Variants in PXT1 observed in about 807,000 individuals in gnomAD.
The protein encoded by PXT1 is peroxisomal testis-specific protein 1.
A neutral mutation model predicts 11.0 loss-of-function variants in PXT1; 11 were observed. The ratio of observed to expected loss-of-function variants is 1.00; its 90% confidence interval spans 0.63 to 1.66. The LOEUF is 1.66. PXT1 is among the 40% of genes most tolerant of loss of function. The pLI, the probability that PXT1 is intolerant of heterozygous loss-of-function variation, is 0.00. For missense variants in PXT1, 141 were observed against 155.5 expected, an observed-to-expected ratio of 0.91 and a Z score of 0.49; for synonymous variants, 43 against 51.4, an observed-to-expected ratio of 0.84 and a Z score of 0.70.
rs2127416572 is a variant in PXT1, at chr6:36,425,999, T to A, written c.84A>T (p.Ser28=). Reference sequence around the variant, plus strand: ...TCTGAAAACTGTATTTTAACCACAGTGATTTGCAACAATGTGTTACTTTGG... The same window carrying A: ...TCTGAAAACTGTATTTTAACCACAGAGATTTGCAACAATGTGTTACTTTGG... ...PSPKVTHCCK[S]LWLKYSFQKA... The change falls in exon 3 of 5, where the codon TCA becomes TCT. Residue 28 remains serine, a synonymous_variant. Coordinates refer to ENST00000454782, the MANE Select transcript of PXT1 (RefSeq NM_152990.4). 1 of 1,532,996 alleles carries A rather than the reference T, an allele frequency of 6.5e-7. No homozygotes were observed. Among genetic ancestry groups the A allele is most frequent in the East Asian group, 2.5e-5 (1 of 40,614 alleles). The allele number at this position is 1,532,996 out of a possible 1,614,324, so 95.0% of individuals were successfully genotyped here.
At chr6:36,418,451 T>C (rs1052489531) in intron 3 of PXT1, among the ~76,000 whole-genome samples, 9 of 152,174 alleles carry the variant, frequency 5.9e-5, no homozygotes, top group Non-Finnish European at 1.2e-4. Flanking sequence ...ATTCAACAAA[T>C]AGAGGGCTTT....
chr6:36,424,304 T>G (rs1288356994), intron 3 of PXT1, among the ~76,000 whole-genome samples: 1 of 152,202 alleles, frequency 6.6e-6, no homozygotes, highest in African/African-American at 2.4e-5. Flanking sequence ...GGTGACACAA[T>G]CTCAGACTTT....
chr6:36,410,592 A>G (rs1774358812), intron 3 of PXT1, among the ~76,000 whole-genome samples: 1 of 152,112 alleles, frequency 6.6e-6, no homozygotes, highest in Non-Finnish European at 1.5e-5. Flanking sequence ...TAAAAAAGGA[A>G]GAAAAGAAAG....
intron 4 of PXT1, among the ~76,000 whole-genome samples, chr6:36,393,257 C>T (rs575177212): frequency 2.6e-4 from 39 of 152,268 alleles, no homozygotes; most frequent in African/African-American, 8.2e-4. Flanking sequence ...TGAGCCACTA[C>T]GCCTGGCCCT....
chr6:36,436,936 G>A (rs1348701546), intron 2 of PXT1, among the ~76,000 whole-genome samples: 1 of 152,082 alleles, frequency 6.6e-6, no homozygotes, highest in East Asian at 1.9e-4. Flanking sequence ...GTCTCTAGGG[G>A]GCATTGTTCA....
At chr6:36,422,778 T>C (rs1774540682) in intron 3 of PXT1, among the ~76,000 whole-genome samples, 2 of 152,228 alleles carry the variant, frequency 1.3e-5, no homozygotes, top group Non-Finnish European at 2.9e-5. Context: ...GTACTCTCTA[T>C]TGAATTCTAC....
chr6:36,433,051 T>A (rs561312176), intron 2 of PXT1, among the ~76,000 whole-genome samples: 1 of 152,284 alleles, frequency 6.6e-6, no homozygotes, highest in East Asian at 1.9e-4. Context: ...AATTTCCAAT[T>A]AGCTTTTAGG....
At chr6:36,425,828 ATT>A in intron 3 of PXT1, 84 bp downstream of exon 3, 4 of 547,654 alleles carry the variant, frequency 7.3e-6, no homozygotes, top group African/African-American at 2.1e-5. Context: ...ATATATATAT[ATT>A]TAATGTCCAA....
At chr6:36,422,784 T>C (rs1207876016) in intron 3 of PXT1, among the ~76,000 whole-genome samples, 3 of 152,174 alleles carry the variant, frequency 2.0e-5, no homozygotes, top group Non-Finnish European at 4.4e-5. Flanking sequence ...TCTATTGAAT[T>C]CTACAATTAT....
intron 2 of PXT1, among the ~76,000 whole-genome samples, chr6:36,431,559 G>A (rs1413981930): frequency 6.6e-6 from 1 of 152,168 alleles, no homozygotes; most frequent in African/African-American, 2.4e-5. Flanking sequence ...TTGAGATCAG[G>A]AGTTCAGGAA....
At position 36,426,111 on chromosome 6, in the gene PXT1, C is replaced by A; in HGVS notation, c.-9-20G>T. The A allele has an allele frequency of 7.0e-7, 1 of 1,423,708 alleles. No homozygotes were observed. Among genetic ancestry groups the A allele is most frequent in the South Asian group, 1.3e-5 (1 of 74,690 alleles). 88.2% of individuals were successfully genotyped at this position (1,423,708 alleles called of 1,614,324 possible). ...TTTTCCCTGTTGAAAAACATATTTT[C>A]AGAGGCTTTCCCCCATTTCTCAGTA... On this transcript the variant is annotated intron_variant, in intron 2 of 4. Coordinates refer to ENST00000454782, the MANE Select transcript of PXT1 (RefSeq NM_152990.4).
At chr6:36,437,273 C>T (rs1010553551) in intron 2 of PXT1, among the ~76,000 whole-genome samples, 7 of 148,960 alleles carry the variant, frequency 4.7e-5, no homozygotes, top group African/African-American at 1.7e-4. Context: ...AGCGACAGAG[C>T]GAGACTCCAT....
At chr6:36,408,645 C>G (rs1201926465) in intron 3 of PXT1, among the ~76,000 whole-genome samples, 2 of 148,312 alleles carry the variant, frequency 1.3e-5, no homozygotes, top group African/African-American at 5.0e-5. Context: ...GGGGGAGGAT[C>G]CCTTGAGCCC....
chr6:36,418,090 G>A (rs1437534064), intron 3 of PXT1, among the ~76,000 whole-genome samples: 4 of 152,048 alleles, frequency 2.6e-5, no homozygotes, highest in African/African-American at 9.7e-5. Context: ...CAGCTACTTG[G>A]GAGACTGAGG....
intron 2 of PXT1, among the ~76,000 whole-genome samples, chr6:36,427,237 G>A (rs937798871): frequency 1.3e-5 from 2 of 151,990 alleles, no homozygotes; most frequent in Admixed American, 6.6e-5. Context: ...TGCTGACCTC[G>A]TGATCTGCCC....
chr6:36,412,665 A>AG (rs1774391453), intron 3 of PXT1, among the ~76,000 whole-genome samples: 1 of 151,328 alleles, frequency 6.6e-6, no homozygotes, highest in East Asian at 2.0e-4. Flanking sequence ...TCTCAAAAAA[A>AG]AAAAAATGGA....
chr6:36,422,588 T>C (rs1203745798), intron 3 of PXT1, among the ~76,000 whole-genome samples: 1 of 152,230 alleles, frequency 6.6e-6, no homozygotes, highest in Non-Finnish European at 1.5e-5. Flanking sequence ...CACTGTCATC[T>C]CAGTACCTAG....
chr6:36,418,542 G>T (rs1482259379), intron 3 of PXT1, among the ~76,000 whole-genome samples: 1 of 152,096 alleles, frequency 6.6e-6, no homozygotes, highest in Non-Finnish European at 1.5e-5. Context: ...AACCTGAGTT[G>T]CTTTGATTTA....
chr6:36,417,447 G>A (rs9394349), intron 3 of PXT1, among the ~76,000 whole-genome samples: 70,894 of 151,494 alleles, frequency 0.47, 17,079 homozygotes, highest in Middle Eastern at 0.58. Context: ...AATGATATGA[G>A]TTTGATTAAC....
Sources: gnomAD v4.1 joint callset for allele counts (sites outside exome capture counted in the v4.1 genomes callset) on GRCh38, gnomAD v4.1.1 for gene constraint, MANE v1.5 for transcripts, NCBI Gene and HGNC (gene_info 2026-07-23, HGNC 2026-07-21) for gene names.